The following MRPS16 variants were observed in gnomAD, a reference collection of about 807,000 sequenced individuals.
The protein encoded by MRPS16 is small ribosomal subunit protein bS16m.
MRPS16 carries 5 observed loss-of-function variants against 11.0 expected under a neutral mutation model. The ratio of observed to expected loss-of-function variants is 0.46; its 90% confidence interval spans 0.24 to 0.96. MRPS16 has a LOEUF of 0.96. MRPS16 is among the 40% of genes least tolerant of loss of function. The probability of loss-of-function intolerance (pLI) is 0.20; values close to 1 mark genes in which losing one functional copy is unlikely to be tolerated. For synonymous variants in MRPS16, 76 were observed against 65.0 expected (o/e 1.17, Z -0.81); for missense variants, 179 against 174.4 (o/e 1.03, Z -0.15).
Position 73,250,635 on chromosome 10 carries a change from A to T in MRPS16, c.*217T>A. 1.7e-6 allele frequency: 1 copy of T among 580,110 alleles called. No individual in the cohort carries two copies. Among genetic ancestry groups the T allele is most frequent in the Non-Finnish European group, 3.0e-6 (1 of 330,384 alleles). The allele number at this position is 580,110 out of a possible 1,614,324, so 35.9% of individuals were successfully genotyped here. A position where few individuals can be genotyped will look rare whatever the true frequency, so the allele number is the denominator to read the frequency against. On this transcript the variant is annotated 3_prime_UTR_variant, in exon 3 of 3. Coordinates refer to ENST00000372945, the MANE Select transcript of MRPS16 (RefSeq NM_016065.4). ...TCCCATAGCCACTGTCTATCCCAAG[A>T]CAAAGTCGAAAAAAGCTAATTAGTA...
chr10:73,249,046 G>A lies in MRPS16; in HGVS notation c.*1806C>T. ...TGATCTTACTGCCTCAGCTTCCCGA[G>A]TAGCTGGAACTATGGGTGAGCAACA... On this transcript the variant is annotated 3_prime_UTR_variant, in exon 3 of 3. Transcript: ENST00000372945. 1.7e-6 allele frequency: 1 copy of A among 600,584 alleles called. No individual in the cohort carries two copies. The highest frequency in any genetic ancestry group is 3.1e-6 in the Non-Finnish European group (1 of 321,558). The allele number at this position is 600,584 out of a possible 1,614,324, so 37.2% of individuals were successfully genotyped here. A position where few individuals can be genotyped will look rare whatever the true frequency, so the allele number is the denominator to read the frequency against.
Position 73,251,029 on chromosome 10 carries a change from A to G in MRPS16, c.275-38T>C, listed in dbSNP as rs961222983. On this transcript the variant is annotated intron_variant, in intron 2 of 2. Transcript: ENST00000372945. ...GATTTTTCACTTATTATAACACAGT[A>G]TAAGCCAATGCTTCCCTAGGAACTC... is the stretch of plus-strand genomic sequence containing the variant. The G allele has an allele frequency of 4.3e-6, 7 of 1,610,680 alleles. No individual in the cohort carries two copies. The South Asian group carries it at 4.4e-5, about 10-fold the overall frequency.
At chr10:73,251,714 G>A (rs369317197) in intron 2 of MRPS16, 49 bp downstream of exon 2, 23 of 1,612,546 alleles carry the variant, frequency 1.4e-5, no homozygotes, top group Non-Finnish European at 1.8e-5. Context: ...TCCTGGAGCT[G>A]ACTTCAGTTT....
chr10:73,252,035 C>T lies in MRPS16; in HGVS notation c.14-12G>A, dbSNP rs11594611. On this transcript the variant is annotated splice_polypyrimidine_tract_variant and intron_variant, in intron 1 of 2. Coordinates refer to ENST00000372945, the MANE Select transcript of MRPS16 (RefSeq NM_016065.4). ...GCAGAGGAGAGTAGCTGTAGAAAAG[C>T]AGCTGGTTAGGACACAAAAAACAGC... 37 of 1,610,898 alleles carry T rather than the reference C, an allele frequency of 2.3e-5. No individual in the cohort carries two copies. Among genetic ancestry groups the T allele is most frequent in the African/African-American group, 8.0e-5 (6 of 74,786 alleles).
intron 1 of MRPS16, 171 bp from the exon 2 acceptor site, chr10:73,252,194 C>T (rs1035165975): frequency 3.6e-6 from 4 of 1,125,968 alleles, no homozygotes; most frequent in Non-Finnish European, 5.1e-6. Context: ...GTCCAGCCAG[C>T]AATGACCTCC....
rs555061429 is a variant in MRPS16 at position 73,250,218 on chromosome 10, CA to C, written c.*633del. On this transcript the variant is annotated 3_prime_UTR_variant, in exon 3 of 3. Transcript: ENST00000372945. ...CTGGGCGACAGAGCGAGACTCCTCT[CA>C]AAAAAAAAAAAAAAATTAGCTGGGT... 0.12 allele frequency: 15,624 copies of C among 131,984 alleles called. 1,112 individuals are homozygous for C. The highest frequency in any genetic ancestry group is 0.31 in the East Asian group (1,397 of 4,562). The allele number at this position is 131,984 out of a possible 1,614,324, so 8.2% of individuals were successfully genotyped here.
At chr10:73,252,411 C>T (rs2044130546) in intron 1 of MRPS16, 59 bp downstream of exon 1, 1 of 1,606,172 alleles carries the variant, frequency 6.2e-7, no homozygotes, top group African/African-American at 1.3e-5. Flanking sequence ...CCCCACCCGG[C>T]CCCGAACTCC....
rs1222159242 is a variant in MRPS16 at position 73,251,830 on chromosome 10, G to C, written c.207C>G (p.Asn69Lys). Reference sequence around the variant, plus strand: ...CAATCCAATGACGGATCCTGTCTAGGTTGAGGGCAACGAGTTTTTCTCCAT... The same window carrying C: ...CAATCCAATGACGGATCCTGTCTAGCTTGAGGGCAACGAGTTTTTCTCCAT... ...NSHGEKLVAL[N>K]LDRIRHWIGC... Residue 69 changes from asparagine (N) to lysine (K), a missense_variant, in exon 2 of 3, where the codon AAC (asparagine) becomes AAG (lysine). Asn to Lys is a moderately conservative substitution (Grantham distance 94). Coordinates refer to ENST00000372945, the MANE Select transcript of MRPS16 (RefSeq NM_016065.4). The C allele has an allele frequency of 6.2e-7, 1 of 1,614,232 alleles. No homozygotes were observed. Among genetic ancestry groups the C allele is most frequent in the African/African-American group, 1.3e-5 (1 of 75,048 alleles).
At position 73,250,917 on chromosome 10, in the gene MRPS16, C is replaced by T. The variant is rs1435897873; in HGVS notation, c.349G>A (p.Glu117Lys). ...AERLRRKRAREVLLASQKTDA... is the reference protein window; with the variant it reads ...AERLRRKRARKVLLASQKTDA... ...GTTTTCTGAGAAGCTAACAGGACTT[C>T]ACGTGCCCGTTTCCTTCGCAGTCTC... The change falls in exon 3 of 3, where the codon GAA (glutamate) becomes AAA (lysine). Residue 117 changes from glutamate to lysine, a missense_variant. Transcript: ENST00000372945. 1.2e-6 allele frequency: 2 copies of T among 1,614,088 alleles called. No individual in the cohort carries two copies. The highest frequency in any genetic ancestry group is 1.6e-4 in the Middle Eastern group (1 of 6,084).
At chr10:73,251,012 A>G (rs1256458401) in intron 2 of MRPS16, 21 bp from the exon 3 acceptor site, 72 of 1,613,418 alleles carry the variant, frequency 4.5e-5, no homozygotes, top group Non-Finnish European at 6.1e-5. Context: ...CAGATTTTTC[A>G]CTTATTATAA....
chr10:73,251,632 C>G (rs1011155825), intron 2 of MRPS16, 131 bp downstream of exon 2: 7 of 1,305,066 alleles, frequency 5.4e-6, no homozygotes, highest in Non-Finnish European at 7.7e-6. Flanking sequence ...CCGCCCGCCT[C>G]GGCCTCCCAA....
Position 73,250,594 on chromosome 10 carries a change from C to T in MRPS16, c.*258G>A. 2.1e-6 allele frequency: 1 copy of T among 480,482 alleles called. No individual in the cohort carries two copies. Among genetic ancestry groups the T allele is most frequent in the Non-Finnish European group, 3.8e-6 (1 of 264,020 alleles). The allele number at this position is 480,482 out of a possible 1,614,324, so 29.8% of individuals were successfully genotyped here. ...GTTGTCCAAGAGACCCAGAGCCCAA[C>T]TCAAAAGTCCAATCCTCCCATAGCC... is the stretch of plus-strand genomic sequence containing the variant. On this transcript the variant is annotated 3_prime_UTR_variant, in exon 3 of 3. Transcript: ENST00000372945.
chr10:73,249,512 G>C lies in MRPS16; in HGVS notation c.*1340C>G. The C allele has an allele frequency of 1.8e-6, 1 of 557,194 alleles. No homozygotes were observed. The highest frequency in any genetic ancestry group is 1.9e-5 in the African/African-American group (1 of 52,128). The allele number at this position is 557,194 out of a possible 1,614,324, so 34.5% of individuals were successfully genotyped here. A position where few individuals can be genotyped will look rare whatever the true frequency, so the allele number is the denominator to read the frequency against. ...ATACAGTTTATCCTAACACAGAGCA[G>C]CCTTCTTAACCTGCTCCATAAAATT... On this transcript the variant is annotated 3_prime_UTR_variant, in exon 3 of 3. Coordinates refer to ENST00000372945, the MANE Select transcript of MRPS16 (RefSeq NM_016065.4).
In MRPS16 at chr10:73,250,977, A is replaced by G; in HGVS notation, c.289T>C (p.Phe97Leu). The change falls in exon 3 of 3, where the codon TTC becomes CTC. Residue 97 changes from phenylalanine (F) to leucine (L), a missense_variant. Transcript: ENST00000372945. Reference protein sequence around the residue: ...MEKLLGLAGFFPLHPMMITNA... With the variant: ...MEKLLGLAGFLPLHPMMITNA... Reference sequence around the variant, plus strand: ...GTGATCATCATAGGATGCAGAGGGAAAAAGCCAGCAAGACCTAAAAGTAAC... The same window carrying G: ...GTGATCATCATAGGATGCAGAGGGAGAAAGCCAGCAAGACCTAAAAGTAAC... 1 of 1,614,188 alleles carries G rather than the reference A, an allele frequency of 6.2e-7. No homozygotes were observed. The highest frequency in any genetic ancestry group is 1.7e-5 in the Admixed American group (1 of 60,020).
Position 73,250,771 on chromosome 10 carries a change from CTA to C in MRPS16, c.*79_*80del. The C allele has an allele frequency of 6.4e-7, 1 of 1,573,082 alleles. No homozygotes were observed. Among genetic ancestry groups the C allele is most frequent in the African/African-American group, 1.3e-5 (1 of 74,186 alleles). On this transcript the variant is annotated 3_prime_UTR_variant, in exon 3 of 3. Transcript: ENST00000372945. ...ATACTCCATTTATTGAACTCCAAAT[CTA>C]ACAAAATTAAGATCGCTGCAGTGTT...
In MRPS16 at chr10:73,250,384, CA is replaced by C. The variant is rs113258240; in HGVS notation, c.*467del. On this transcript the variant is annotated 3_prime_UTR_variant, in exon 3 of 3. Transcript: ENST00000372945. ...CTGGCAACAGAACAAGACTCCGTCT[CA>C]AAAAAAAAAAAAAAAAGAGAATATG... 0.18 allele frequency: 17,536 copies of C among 95,774 alleles called. 1,020 individuals carry two copies. The highest frequency in any genetic ancestry group is 0.38 in the East Asian group (1,565 of 4,130). 5.9% of individuals were successfully genotyped at this position (95,774 alleles called of 1,614,324 possible).
Position 73,252,636 on chromosome 10 carries a change from G to A in MRPS16, c.-154C>T. On this transcript the variant is annotated 5_prime_UTR_variant, in exon 1 of 3. Transcript: ENST00000372945. ...TACAAGCCCGAAAACCTCGACTCCG[G>A]AAGCGGATGATCCGCTCGCCACGCC... 1 of 1,072,688 alleles carries A rather than the reference G, an allele frequency of 9.3e-7. No homozygotes were observed. The highest frequency in any genetic ancestry group is 2.2e-4 in the Middle Eastern group (1 of 4,572). 66.4% of individuals were successfully genotyped at this position (1,072,688 alleles called of 1,614,324 possible).
chr10:73,251,833 G>A lies in MRPS16; in HGVS notation c.204C>T (p.Leu68=), dbSNP rs369695042. 4 of 1,614,096 alleles carry A rather than the reference G, an allele frequency of 2.5e-6. No homozygotes were observed. In the African/African-American group the frequency reaches 5.3e-5, roughly 22 times the overall value. Residue 68 remains leucine, a synonymous_variant, in exon 2 of 3, where the codon CTC becomes CTT. Coordinates refer to ENST00000372945, the MANE Select transcript of MRPS16 (RefSeq NM_016065.4). ...TCCAATGACGGATCCTGTCTAGGTT[G>A]AGGGCAACGAGTTTTTCTCCATGAC... ...PNSHGEKLVA[L]NLDRIRHWIG...
At chr10:73,251,372 TA>T (rs1458158985) in intron 2 of MRPS16, among the ~76,000 whole-genome samples, 1 of 151,074 alleles carries the variant, frequency 6.6e-6, no homozygotes, top group Non-Finnish European at 1.5e-5. Context: ...GGGAATGAAA[TA>T]ACTCTTTTTT....
Sources: allele counts gnomAD v4.1 joint callset (sites outside exome capture counted in the v4.1 genomes callset), GRCh38; gene constraint gnomAD v4.1.1; transcripts MANE v1.5; gene names NCBI Gene and HGNC (gene_info 2026-07-23, HGNC 2026-07-21).